SLC24A3: variants seen among roughly 807,000 people sequenced by gnomAD.
SLC24A3 encodes sodium/potassium/calcium exchanger 3.
SLC24A3 carries 28 observed loss-of-function variants against 75.8 expected under a neutral mutation model. That is an observed-to-expected ratio of 0.37 (90% CI 0.27 to 0.51). The LOEUF (loss-of-function observed/expected upper bound fraction) is 0.51. SLC24A3 is among the 20% of genes least tolerant of loss of function. SLC24A3 has a pLI of 0.94. For missense variants in SLC24A3, 663 were observed against 847.8 expected (o/e 0.78, Z 2.71); for synonymous variants, 372 against 334.1 (o/e 1.11, Z -1.24).
intron 15 of SLC24A3, among the ~76,000 whole-genome samples, chr20:19,709,697 C>T (rs1188615349): frequency 6.6e-6 from 1 of 152,028 alleles, no homozygotes; most frequent in Non-Finnish European, 1.5e-5. Flanking sequence ...GAGGCTTTAC[C>T]CTGGCTTTCT....
chr20:19,327,662 C>A (rs1035536465), intron 2 of SLC24A3, among the ~76,000 whole-genome samples: 1 of 152,214 alleles, frequency 6.6e-6, no homozygotes, highest in Admixed American at 6.5e-5. Context: ...ATGTTACTGA[C>A]GTGAGCTTGT....
intron 6 of SLC24A3, among the ~76,000 whole-genome samples, chr20:19,632,682 A>T (rs989919062): frequency 6.6e-6 from 1 of 152,208 alleles, no homozygotes; most frequent in South Asian, 2.1e-4. Context: ...GTGTTTTTAT[A>T]GGAGACCATC....
chr20:19,699,448 G>A (rs978002207), intron 15 of SLC24A3, among the ~76,000 whole-genome samples: 2 of 152,220 alleles, frequency 1.3e-5, no homozygotes, highest in African/African-American at 4.8e-5. Flanking sequence ...TTGATGTCTA[G>A]GATAGAATGT....
chr20:19,569,087 G>A (rs142219320), intron 3 of SLC24A3, among the ~76,000 whole-genome samples: 1 of 152,248 alleles, frequency 6.6e-6, no homozygotes, highest in East Asian at 1.9e-4. Flanking sequence ...AGTGGGTCAG[G>A]GAACCCTTGT....
rs1378694686 is a variant in SLC24A3, at chr20:19,212,782, C to G, written c.-61C>G. On this transcript the variant is annotated 5_prime_UTR_variant, in exon 1 of 17. Transcript: ENST00000328041. Reference sequence around the variant, plus strand: ...GGCTGCCTCCTGCCGCTGTCCCCGCCGCGGCCGCCCGCGACAGGAGCGGCC... The same window carrying G: ...GGCTGCCTCCTGCCGCTGTCCCCGCGGCGGCCGCCCGCGACAGGAGCGGCC... The G allele has an allele frequency of 1.4e-5, 14 of 977,598 alleles. No individual in the cohort carries two copies. Among genetic ancestry groups the G allele is most frequent in the Non-Finnish European group, 1.6e-5 (13 of 826,108 alleles). 60.6% of individuals were successfully genotyped at this position (977,598 alleles called of 1,614,324 possible). A position where few individuals can be genotyped will look rare whatever the true frequency, so the allele number is the denominator to read the frequency against.
intron 6 of SLC24A3, among the ~76,000 whole-genome samples, chr20:19,645,996 A>C (rs942821979): frequency 1.3e-5 from 2 of 152,162 alleles, no homozygotes; most frequent in Non-Finnish European, 2.9e-5. Flanking sequence ...TCGAGGCTGC[A>C]GTGAGCCAAG....
intron 1 of SLC24A3, among the ~76,000 whole-genome samples, chr20:19,258,129 C>G (rs1258681576): frequency 6.6e-6 from 1 of 152,208 alleles, no homozygotes; most frequent in African/African-American, 2.4e-5. Context: ...CCTCCCTTTT[C>G]ACCTGTTTTC....
At chr20:19,625,665 G>A (rs2031857659) in intron 6 of SLC24A3, among the ~76,000 whole-genome samples, 1 of 152,274 alleles carries the variant, frequency 6.6e-6, no homozygotes, top group Non-Finnish European at 1.5e-5. Flanking sequence ...GTCAATAACA[G>A]CTGCAATCAT....
At chr20:19,719,042 C>T (rs887312523) in intron 16 of SLC24A3, among the ~76,000 whole-genome samples, 3 of 152,124 alleles carry the variant, frequency 2.0e-5, no homozygotes, top group African/African-American at 4.8e-5. Flanking sequence ...AATAAAACCA[C>T]GAGAGTGCAG....
chr20:19,289,070 C>T (rs1425411050), intron 2 of SLC24A3, among the ~76,000 whole-genome samples: 1 of 152,070 alleles, frequency 6.6e-6, no homozygotes, highest in Non-Finnish European at 1.5e-5. Flanking sequence ...ATGACATTTC[C>T]AAGGTCCTCT....
chr20:19,689,967 G>A lies in SLC24A3; in HGVS notation c.1325-3292G>A, dbSNP rs530700238. ...AATCACTTGAACCTGGGAGGCAAAG[G>A]TTGCAGTGAGCTGAGATTGCACCAC... On this transcript the variant is annotated intron_variant, in intron 12 of 16. Coordinates refer to ENST00000328041, the MANE Select transcript of SLC24A3 (RefSeq NM_020689.4). 2.2e-5 allele frequency among the ~76,000 whole-genome samples: 3 copies of A among 135,952 alleles called. No homozygotes were observed. In the South Asian group the frequency reaches 7.3e-4, roughly 33 times the overall value. 89.2% of individuals were successfully genotyped at this position (135,952 alleles called of 152,430 possible).
intron 2 of SLC24A3, among the ~76,000 whole-genome samples, chr20:19,381,113 A>G (rs940632606): frequency 2.6e-5 from 4 of 152,190 alleles, no homozygotes; most frequent in Non-Finnish European, 5.9e-5. Flanking sequence ...CACTATTACC[A>G]ACAGAAGTGT....
intron 2 of SLC24A3, among the ~76,000 whole-genome samples, chr20:19,500,717 C>T (rs1376929842): frequency 6.6e-6 from 1 of 152,198 alleles, no homozygotes; most frequent in Non-Finnish European, 1.5e-5. Flanking sequence ...TTTTACCCCA[C>T]CCACTGCATG....
chr20:19,489,802 C>A (rs1047670026), intron 2 of SLC24A3, among the ~76,000 whole-genome samples: 2 of 152,142 alleles, frequency 1.3e-5, no homozygotes, highest in Non-Finnish European at 2.9e-5. Flanking sequence ...GTACAGTATA[C>A]CACGTGGCCT....
chr20:19,665,778 G>C, intron 7 of SLC24A3, 86 bp from the exon 8 acceptor site: 1 of 1,456,320 alleles, frequency 6.9e-7, no homozygotes, highest in Non-Finnish European at 9.1e-7. Context: ...TGGATACTGC[G>C]TGCAGCCTTA....
Position 19,631,502 on chromosome 20 carries a change from A to T in SLC24A3, c.613-22560A>T, listed in dbSNP as rs191904515. 2.2e-3 allele frequency among the ~76,000 whole-genome samples: 342 copies of T among 152,220 alleles called. 1 individual carries two copies. The highest frequency in any genetic ancestry group is 8.0e-3 in the African/African-American group (332 of 41,528). On this transcript the variant is annotated intron_variant, in intron 6 of 16. Transcript: ENST00000328041. ...TTATCATGAGATTACATTCCAATAA[A>T]CCTATTGTAAGTTGAAGATATTATA... is the stretch of plus-strand genomic sequence containing the variant.
chr20:19,515,540 T>A lies in SLC24A3; in HGVS notation c.324T>A (p.Gly108=), dbSNP rs2029969197. The part of the protein sequence containing the change: ...DIFTNEDRRQ[G]AVVLHVLCAI... ...TCACAAACGAGGATAGAAGACAAGG[T>A]GCGGTGGTCCTCCATGTGCTCTGTG... The change falls in exon 3 of 17, where the codon GGT becomes GGA. Residue 108 remains glycine, a synonymous_variant. Transcript: ENST00000328041. 8 of 1,614,048 alleles carry A rather than the reference T, an allele frequency of 5.0e-6. No individual in the cohort carries two copies. The highest frequency in any genetic ancestry group is 2.7e-5 in the African/African-American group (2 of 74,920).
At chr20:19,679,612 C>T (rs963313699) in intron 9 of SLC24A3, among the ~76,000 whole-genome samples, 13 of 151,892 alleles carry the variant, frequency 8.6e-5, no homozygotes, top group Non-Finnish European at 1.6e-4. Context: ...GAGAGGGAGA[C>T]TCACTCTTTT....
At chr20:19,482,134 C>A (rs997755802) in intron 2 of SLC24A3, among the ~76,000 whole-genome samples, 5 of 152,200 alleles carry the variant, frequency 3.3e-5, no homozygotes, top group African/African-American at 9.6e-5. Flanking sequence ...TGGTTGTGCA[C>A]CCCCTTTTTA....
Sources: gnomAD v4.1 joint callset for allele counts (sites outside exome capture counted in the v4.1 genomes callset) on GRCh38, gnomAD v4.1.1 for gene constraint, MANE v1.5 for transcripts, NCBI Gene and HGNC (gene_info 2026-07-23, HGNC 2026-07-21) for gene names.